OPRM1: variants seen among roughly 807,000 people sequenced by gnomAD.
The protein encoded by OPRM1 is opioid receptor mu 1, also known as mu-type opioid receptor.
In OPRM1, 27 loss-of-function variants were observed where a neutral mutation model predicts 31.8. The observed-to-expected ratio is 0.85, with a 90% CI of 0.63 to 1.17. The LOEUF is 1.17. Ranked by LOEUF, OPRM1 falls within the 50% of genes most tolerant of loss-of-function variation. OPRM1 has a pLI of 0.00. For synonymous variants in OPRM1, 196 were observed against 189.9 expected (o/e 1.03, Z -0.26); for missense variants, 536 against 511.1 (o/e 1.05, Z -0.47).
chr6:154,230,964 A>G (rs1184694019), intron 3 of OPRM1, among the ~76,000 whole-genome samples: 4 of 152,314 alleles, frequency 2.6e-5, no homozygotes, highest in South Asian at 2.1e-4. Context: ...CATTGAGCAA[A>G]TTTAATGAGG....
At chr6:154,140,111 T>G (rs1389274412) in intron 3 of OPRM1, among the ~76,000 whole-genome samples, 1 of 152,042 alleles carries the variant, frequency 6.6e-6, no homozygotes, top group African/African-American at 2.4e-5. Context: ...TCAAAGCAAT[T>G]AACAATTACC....
At chr6:154,105,047 T>C (rs1181615261) in intron 3 of OPRM1, among the ~76,000 whole-genome samples, 1 of 152,216 alleles carries the variant, frequency 6.6e-6, no homozygotes, top group Non-Finnish European at 1.5e-5. Flanking sequence ...CAAGTTTAAT[T>C]CCTTAAAGGA....
intron 3 of OPRM1, among the ~76,000 whole-genome samples, chr6:154,141,528 G>A (rs1373615840): frequency 1.3e-5 from 2 of 152,218 alleles, no homozygotes; most frequent in Non-Finnish European, 2.9e-5. Flanking sequence ...TCTTGCAGAG[G>A]TTGAGGATGT....
At chr6:154,137,764 G>A (rs971406785) in intron 3 of OPRM1, among the ~76,000 whole-genome samples, 8 of 152,174 alleles carry the variant, frequency 5.3e-5, no homozygotes, top group African/African-American at 1.9e-4. Context: ...AATTGGCCTG[G>A]AAAACTTCAC....
At chr6:154,110,844 G>A (rs184699224) in intron 3 of OPRM1, among the ~76,000 whole-genome samples, 2 of 133,406 alleles carry the variant, frequency 1.5e-5, no homozygotes, top group East Asian at 2.3e-4. Context: ...CAGAGATCGC[G>A]CCACTGCACT....
In OPRM1 at chr6:154,082,868, C is replaced by T. The variant is rs190387148; in HGVS notation, c.291-6958C>T. On this transcript the variant is annotated intron_variant, in intron 1 of 3. Transcript: ENST00000330432. ...ATTCTATATATTTGCAAACAAAAAT[C>T]AAAGCCACAGATAGGAATATTTCAT... 1.4e-3 allele frequency among the ~76,000 whole-genome samples: 212 copies of T among 152,186 alleles called. No homozygotes were observed. In the Middle Eastern group the frequency reaches 0.031, roughly 22 times the overall value.
chr6:154,047,071 C>T (rs186481756), intron 1 of OPRM1, among the ~76,000 whole-genome samples: 1 of 152,162 alleles, frequency 6.6e-6, no homozygotes, highest in East Asian at 1.9e-4. Flanking sequence ...ATGATTAGGA[C>T]AATAAGGGAA....
Position 154,130,601 on chromosome 6 carries a change from T to A in OPRM1, c.*11880T>A, listed in dbSNP as rs1163543455. On this transcript the variant is annotated 3_prime_UTR_variant, in exon 4 of 4. Transcript: ENST00000330432. ...TATTTGCCTATAAATCCCCATCAAT[T>A]TAATAGGAATTAAGTTAGAAATACT... is the stretch of plus-strand genomic sequence containing the variant. Among the ~76,000 whole-genome samples the A allele has an allele frequency of 6.6e-6, 1 of 152,172 alleles. No homozygotes were observed. Among genetic ancestry groups the A allele is most frequent in the African/African-American group, 2.4e-5 (1 of 41,440 alleles).
chr6:154,178,606 C>G (rs1273981719), intron 3 of OPRM1, among the ~76,000 whole-genome samples: 1 of 152,004 alleles, frequency 6.6e-6, no homozygotes, highest in African/African-American at 2.4e-5. Flanking sequence ...TTAAAATTAA[C>G]AAACAGATAA....
intron 1 of OPRM1, among the ~76,000 whole-genome samples, chr6:154,077,546 C>G (rs935623383): frequency 6.6e-6 from 1 of 151,566 alleles, no homozygotes; most frequent in African/African-American, 2.4e-5. Context: ...GCCTGGCCAA[C>G]ATGCTGAAAC....
rs988339058 is a variant in OPRM1 at position 154,085,889 on chromosome 6, T to C, written c.291-3937T>C. The stretch of plus-strand genomic sequence containing the variant: ...ATCAGAACAGAATGAAAGCTTGCCC[T>C]TTTTTTTTTTTTTTTTGAGACAGTG... On this transcript the variant is annotated intron_variant, in intron 1 of 3. Transcript: ENST00000330432. Among the ~76,000 whole-genome samples, 114 of 89,812 alleles carry C rather than the reference T, an allele frequency of 1.3e-3. 4 individuals carry two copies. The highest frequency in any genetic ancestry group is 0.012 in the Admixed American group (105 of 8,726). The allele number at this position is 89,812 out of a possible 152,430, so 58.9% of individuals were successfully genotyped here. A position where few individuals can be genotyped will look rare whatever the true frequency, so the allele number is the denominator to read the frequency against.
chr6:154,059,320 A>G (rs959786699), intron 1 of OPRM1, among the ~76,000 whole-genome samples: 2 of 152,216 alleles, frequency 1.3e-5, no homozygotes, highest in African/African-American at 4.8e-5. Flanking sequence ...AATAGAACCC[A>G]TCAATTATTA....
chr6:154,087,334 A>C (rs751291697), intron 1 of OPRM1: 7 of 985,340 alleles, frequency 7.1e-6, no homozygotes, highest in Non-Finnish European at 8.4e-6. Flanking sequence ...AGTCCTAAAC[A>C]AAGGGCCTCC....
intron 3 of OPRM1, chr6:154,093,118 T>C (rs1792664529): frequency 1.6e-6 from 1 of 630,446 alleles, no homozygotes; most frequent in South Asian, 2.6e-5. Flanking sequence ...GGGATTTAAA[T>C]AGATTTTCAC....
chr6:154,194,482 T>C (rs1776427855), intron 3 of OPRM1, among the ~76,000 whole-genome samples: 1 of 152,188 alleles, frequency 6.6e-6, no homozygotes, highest in African/African-American at 2.4e-5. Context: ...CTGTCTCTTC[T>C]GAACCTACTA....
intron 3 of OPRM1, among the ~76,000 whole-genome samples, chr6:154,150,369 A>T (rs375071803): frequency 8.5e-5 from 13 of 152,204 alleles, no homozygotes; most frequent in African/African-American, 3.1e-4. Flanking sequence ...GGTTCCTGCC[A>T]GTGAGTCAGA....
intron 3 of OPRM1, among the ~76,000 whole-genome samples, chr6:154,239,555 A>T (rs553665586): frequency 6.6e-6 from 1 of 152,302 alleles, no homozygotes; most frequent in African/African-American, 2.4e-5. Flanking sequence ...TAAACCGGTC[A>T]CCTACAGCTG....
intron 3 of OPRM1, among the ~76,000 whole-genome samples, chr6:154,166,236 C>CA (rs1799414439): frequency 6.6e-6 from 1 of 152,368 alleles, no homozygotes; most frequent in African/African-American, 2.4e-5. Flanking sequence ...GACGAGGTCA[C>CA]AGAGACCCAT....
intron 1 of OPRM1, among the ~76,000 whole-genome samples, chr6:154,068,529 C>G (rs1785948245): frequency 6.6e-6 from 1 of 152,122 alleles, no homozygotes; most frequent in Non-Finnish European, 1.5e-5. Flanking sequence ...TCACAAATGA[C>G]AGGACTCCCT....
Sources: gnomAD v4.1 joint callset for allele counts (sites outside exome capture counted in the v4.1 genomes callset) on GRCh38, gnomAD v4.1.1 for gene constraint, MANE v1.5 for transcripts, NCBI Gene and HGNC (gene_info 2026-07-23, HGNC 2026-07-21) for gene names.